LRIG2: variants seen among roughly 807,000 people sequenced by gnomAD.
LRIG2 encodes the protein leucine rich repeats and immunoglobulin like domains 2.
In LRIG2, 93 loss-of-function variants were observed where a neutral mutation model predicts 107.8. That is an observed-to-expected ratio of 0.86 (90% confidence interval 0.73 to 1.03). LRIG2 has a LOEUF of 1.03. Ranked by LOEUF, LRIG2 falls within the 50% of genes least tolerant of loss-of-function variation. The pLI is 0.00. For synonymous variants in LRIG2, 471 were observed against 470.6 expected, an observed-to-expected ratio of 1.00 and a Z score of -0.01; for missense variants, 1,226 against 1,296.0, an observed-to-expected ratio of 0.95 and a Z score of 0.83.
At chr1:113,091,760 A>G (rs370472817) in intron 2 of LRIG2, among the ~76,000 whole-genome samples, 7 of 152,236 alleles carry the variant, frequency 4.6e-5, no homozygotes, top group African/African-American at 1.7e-4. Flanking sequence ...TGTCTAAAGT[A>G]GATTTATATG....
Position 113,085,527 on chromosome 1 carries a change from G to A in LRIG2, c.240-5791G>A, listed in dbSNP as rs188019473. Among the ~76,000 whole-genome samples the A allele has an allele frequency of 1.7e-3, 259 of 152,236 alleles. 1 individual carries two copies. The highest frequency in any genetic ancestry group is 6.2e-3 in the African/African-American group (256 of 41,544). ...CCGCACTTCTGACCTCAGGTGATCC[G>A]CCCGCCTTGGCTTCCCAAAGTGCTG... On this transcript the variant is annotated intron_variant, in intron 1 of 17. Coordinates refer to ENST00000361127, the MANE Select transcript of LRIG2 (RefSeq NM_014813.3).
intron 11 of LRIG2, among the ~76,000 whole-genome samples, chr1:113,104,774 C>T (rs1654461574): frequency 6.6e-6 from 1 of 152,104 alleles, no homozygotes; most frequent in Admixed American, 6.5e-5. Flanking sequence ...GGGCCCATAT[C>T]CTAACTCTAC....
intron 14 of LRIG2, 94 bp downstream of exon 14, chr1:113,112,854 C>T (rs530540329): frequency 2.6e-6 from 3 of 1,167,700 alleles, no homozygotes; most frequent in South Asian, 3.4e-5. Flanking sequence ...TTGAGATTAC[C>T]TCTGTGATTC....
In LRIG2 at chr1:113,114,448, C is replaced by T. The variant is rs767468466; in HGVS notation, c.2102C>T (p.Pro701Leu). Reference protein sequence around the residue: ...TVLETPSFIRPLEDKTVTRGE... With the variant: ...TVLETPSFIRLLEDKTVTRGE... ...TTAGAGACACCCTCATTTATTAGACCCCTGGAGGATAAGACAGTAACACGA... is the reference window on the plus strand; with the variant it reads ...TTAGAGACACCCTCATTTATTAGACTCCTGGAGGATAAGACAGTAACACGA... The change falls in exon 15 of 18, where the codon CCC becomes CTC. Residue 701 changes from proline to leucine, a missense_variant. Pro to Leu is a moderately conservative substitution (Grantham distance 98). Around this residue, in one of 3 missense-constraint regions of LRIG2, gnomAD observed 642 missense variants for 712.2 expected, o/e 0.90. Coordinates refer to ENST00000361127, the MANE Select transcript of LRIG2 (RefSeq NM_014813.3). 18 of 1,607,954 alleles carry T rather than the reference C, an allele frequency of 1.1e-5. No homozygotes were observed. The highest frequency in any genetic ancestry group is 1.7e-5 in the Admixed American group (1 of 59,176).
At chr1:113,096,411 T>C (rs1654072430) in intron 8 of LRIG2, 46 bp downstream of exon 8, 1 of 1,577,568 alleles carries the variant, frequency 6.3e-7, no homozygotes, top group South Asian at 1.2e-5. Flanking sequence ...CTGATTTTTT[T>C]AGTACAATAA....
rs370780107 is a variant in LRIG2 at position 113,112,532 on chromosome 1, A to G, written c.1852A>G (p.Met618Val). 1.9e-6 allele frequency: 3 copies of G among 1,613,886 alleles called. No individual in the cohort carries two copies. Among genetic ancestry groups the G allele is most frequent in the Non-Finnish European group, 2.5e-6 (3 of 1,179,790 alleles). ...PMDLTIRTGA[M>V]ARLECAAEGH... ...GGATCTGACTATTCGCACTGGTGCCATGGCCAGATTAGAATGTGCTGCAGA... is the reference window on the plus strand; with the variant it reads ...GGATCTGACTATTCGCACTGGTGCCGTGGCCAGATTAGAATGTGCTGCAGA... Residue 618 changes from methionine (M) to valine (V), a missense_variant, in exon 14 of 18, where the codon ATG becomes GTG. Coordinates refer to ENST00000361127, the MANE Select transcript of LRIG2 (RefSeq NM_014813.3).
chr1:113,094,513 G>C, intron 5 of LRIG2, 31 bp downstream of exon 5: 1 of 1,581,762 alleles, frequency 6.3e-7, no homozygotes, highest in South Asian at 1.2e-5. Context: ...ATTATAAGAA[G>C]ATAGTTTTTT....
At chr1:113,115,437 C>T (rs945876267) in intron 15 of LRIG2, among the ~76,000 whole-genome samples, 6 of 152,102 alleles carry the variant, frequency 3.9e-5, no homozygotes, top group African/African-American at 1.4e-4. Context: ...TCTCAAACTC[C>T]TGGGCTCTAG....
intron 5 of LRIG2, 40 bp downstream of exon 5, chr1:113,094,522 T>C: frequency 6.3e-7 from 1 of 1,579,788 alleles, no homozygotes. Context: ...AGATAGTTTT[T>C]TCTTACAGGG....
In LRIG2 at chr1:113,123,727, T is replaced by TTTTTTTTG. The variant is rs1437564600; in HGVS notation, c.2972-147_2972-146insTTTTTTGT. On this transcript the variant is annotated intron_variant, in intron 17 of 17. Coordinates refer to ENST00000361127, the MANE Select transcript of LRIG2 (RefSeq NM_014813.3). ...AAAGACCATGTTCTGGTGGTGGTTT[T>TTTTTTTTG]TGTGTGTGTGTGTGTGTGTGTGTGT... 10 of 597,180 alleles carry TTTTTTTTG rather than the reference T, an allele frequency of 1.7e-5. No individual in the cohort carries two copies. In the African/African-American group the frequency reaches 1.8e-4, roughly 10 times the overall value. 37.0% of individuals were successfully genotyped at this position (597,180 alleles called of 1,614,324 possible). A position where few individuals can be genotyped will look rare whatever the true frequency, so the allele number is the denominator to read the frequency against.
Position 113,091,354 on chromosome 1 carries a change from C to T in LRIG2, c.276C>T (p.Ile92=). The change falls in exon 2 of 18, where the codon ATC becomes ATT. Residue 92 remains isoleucine (I), a synonymous_variant. Transcript: ENST00000361127. ...ATAATCGGTTGTCTAACTGGAACAT[C>T]AGCTTGGAATCACAAACATTACAGG... ...FSHNRLSNWN[I]SLESQTLQEV... 6.2e-7 allele frequency: 1 copy of T among 1,603,810 alleles called. No homozygotes were observed. Among genetic ancestry groups the T allele is most frequent in the Non-Finnish European group, 8.5e-7 (1 of 1,173,976 alleles).
Position 113,073,623 on chromosome 1 carries a change from C to G in LRIG2, c.217C>G (p.Leu73Val). 6.2e-7 allele frequency: 1 copy of G among 1,612,992 alleles called. No homozygotes were observed. The highest frequency in any genetic ancestry group is 8.5e-7 in the Non-Finnish European group (1 of 1,179,956). The part of the protein sequence containing the change: ...APSWRALSGL[L>V]PPDTAILDFS... ...GAGCTGGAGGGCGCTGTCGGGCTTGCTGCCCCCCGACACCGCTATCCTGTG... is the reference window on the plus strand; with the variant it reads ...GAGCTGGAGGGCGCTGTCGGGCTTGGTGCCCCCCGACACCGCTATCCTGTG... Residue 73 changes from leucine to valine, a missense_variant, in exon 1 of 18, where the codon CTG becomes GTG. Coordinates refer to ENST00000361127, the MANE Select transcript of LRIG2 (RefSeq NM_014813.3).
rs755451245 is a variant in LRIG2, at chr1:113,119,260, C to T, written c.2708C>T (p.Ser903Leu). The T allele has an allele frequency of 6.2e-7, 1 of 1,613,414 alleles. No individual in the cohort carries two copies. Among genetic ancestry groups the T allele is most frequent in the South Asian group, 1.1e-5 (1 of 91,032 alleles). Residue 903 changes from serine (S) to leucine (L), a missense_variant, in exon 17 of 18, where the codon TCA becomes TTA. Physicochemically the swap from Ser to Leu is moderately radical, Grantham distance 145. Coordinates refer to ENST00000361127, the MANE Select transcript of LRIG2 (RefSeq NM_014813.3). The stretch of plus-strand genomic sequence containing the variant: ...GGCACTGGTACCCGGGTGATTTGCT[C>T]AGATTGTTATGACAATGCCAACATC... ...DGGTGTRVIC[S>L]DCYDNANIYS...
chr1:113,091,763 T>C (rs758585512), intron 2 of LRIG2, among the ~76,000 whole-genome samples: 7 of 152,220 alleles, frequency 4.6e-5, no homozygotes, highest in Non-Finnish European at 8.8e-5. Flanking sequence ...CTAAAGTAGA[T>C]TTATATGAAA....
chr1:113,087,877 A>G (rs1204345606), intron 1 of LRIG2, among the ~76,000 whole-genome samples: 2 of 152,152 alleles, frequency 1.3e-5, no homozygotes, highest in Non-Finnish European at 2.9e-5. Flanking sequence ...GAGTGACTGC[A>G]CCTCTGAGAA....
chr1:113,121,615 C>T (rs192912479), intron 17 of LRIG2, among the ~76,000 whole-genome samples: 11 of 152,030 alleles, frequency 7.2e-5, no homozygotes, highest in Middle Eastern at 3.4e-3. Flanking sequence ...TGGTGGTGGG[C>T]GCCTGTAATC....
At chr1:113,119,578 TC>T (rs1655162880) in intron 17 of LRIG2, 55 bp downstream of exon 17, 3 of 1,532,298 alleles carry the variant, frequency 2.0e-6, no homozygotes, top group African/African-American at 2.7e-5. Context: ...AATTGACTCT[TC>T]CTTCTATCAT....
chr1:113,091,831 T>C (rs1388606875), intron 2 of LRIG2, among the ~76,000 whole-genome samples: 4 of 152,242 alleles, frequency 2.6e-5, no homozygotes, highest in Admixed American at 2.6e-4. Flanking sequence ...AGTTTTTCTC[T>C]TAACTAAAGT....
chr1:113,116,080 T>C (rs1654994926), intron 15 of LRIG2, among the ~76,000 whole-genome samples: 1 of 152,224 alleles, frequency 6.6e-6, no homozygotes, highest in Admixed American at 6.5e-5. Flanking sequence ...TTAGGTTTTG[T>C]TTCTTTCAAT....
Sources: allele counts gnomAD v4.1 joint callset (sites outside exome capture counted in the v4.1 genomes callset), GRCh38; gene constraint gnomAD v4.1.1; regional missense constraint gnomAD v4.1.1; transcripts MANE v1.5; gene names NCBI Gene and HGNC (gene_info 2026-07-23, HGNC 2026-07-21).